Variants in MYBPC1 observed in about 807,000 individuals in gnomAD.
MYBPC1 encodes the protein myosin binding protein C1, also known as myosin-binding protein C, slow-type.
In MYBPC1, 52 loss-of-function variants were observed where a neutral mutation model predicts 147.1. The observed-to-expected ratio is 0.35, with a 90% CI of 0.28 to 0.45. The LOEUF (loss-of-function observed/expected upper bound fraction) is 0.45. MYBPC1 is among the 20% of genes least tolerant of loss of function. The pLI is 1.00. For synonymous variants in MYBPC1, 477 were observed against 475.9 expected, an observed-to-expected ratio of 1.00 and a Z score of -0.03; for missense variants, 1,228 against 1,440.3, an observed-to-expected ratio of 0.85 and a Z score of 2.39.
chr12:101,631,834 G>C, intron 7 of MYBPC1, 115 bp downstream of exon 7: 1 of 1,500,498 alleles, frequency 6.7e-7, no homozygotes, highest in East Asian at 2.3e-5. Flanking sequence ...ATCCTCTGAA[G>C]TTACCATTGC....
At chr12:101,600,013 C>G (rs1371144691) in intron 1 of MYBPC1, among the ~76,000 whole-genome samples, 1 of 152,136 alleles carries the variant, frequency 6.6e-6, no homozygotes, top group Non-Finnish European at 1.5e-5. Flanking sequence ...AAAGGACTGG[C>G]CAATTCTTTC....
intron 1 of MYBPC1, among the ~76,000 whole-genome samples, chr12:101,604,433 T>A (rs938158380): frequency 6.6e-6 from 1 of 152,194 alleles, no homozygotes; most frequent in African/African-American, 2.4e-5. Flanking sequence ...TTTGGCAACA[T>A]TCGACCATAG....
At chr12:101,629,363 C>A in intron 5 of MYBPC1, 71 bp from the exon 6 acceptor site, 1 of 1,048,872 alleles carries the variant, frequency 9.5e-7, no homozygotes, top group Non-Finnish European at 1.5e-6. Flanking sequence ...GTGAGAACAA[C>A]AAATCCAGGT....
chr12:101,635,195 C>T (rs182888023), intron 9 of MYBPC1, among the ~76,000 whole-genome samples: 15 of 152,108 alleles, frequency 9.9e-5, no homozygotes, highest in South Asian at 2.1e-4. Context: ...GGAGGGGGGG[C>T]GGTCAAGGAA....
chr12:101,640,186 A>G (rs899801353), intron 10 of MYBPC1, among the ~76,000 whole-genome samples: 1 of 151,840 alleles, frequency 6.6e-6, no homozygotes, highest in African/African-American at 2.4e-5. Flanking sequence ...TAATTTTTGT[A>G]TTTTTTGTAG....
At chr12:101,595,173 C>T in intron 1 of MYBPC1, 78 bp downstream of exon 1, 4 of 1,249,116 alleles carry the variant, frequency 3.2e-6, no homozygotes, top group Non-Finnish European at 4.7e-6. Flanking sequence ...AAACAAATAA[C>T]AAATATCTTA....
chr12:101,679,775 T>C (rs1429336914), intron 28 of MYBPC1, among the ~76,000 whole-genome samples: 2 of 150,642 alleles, frequency 1.3e-5, no homozygotes, highest in African/African-American at 4.9e-5. Flanking sequence ...GTGAAGAAAA[T>C]CAAATGATCG....
intron 23 of MYBPC1, among the ~76,000 whole-genome samples, 184 bp downstream of exon 23, chr12:101,668,083 T>C (rs1405661868): frequency 6.6e-6 from 1 of 152,114 alleles, no homozygotes; most frequent in East Asian, 1.9e-4. Context: ...ATGTGGGAGA[T>C]CACCTTCAGG....
intron 8 of MYBPC1, among the ~76,000 whole-genome samples, chr12:101,632,470 G>T (rs746444010): frequency 6.6e-6 from 1 of 152,154 alleles, no homozygotes; most frequent in Non-Finnish European, 1.5e-5. Flanking sequence ...TGGGGATAGG[G>T]TAATATGCTA....
At chr12:101,597,823 T>C (rs1471714789) in intron 1 of MYBPC1, among the ~76,000 whole-genome samples, 1 of 152,168 alleles carries the variant, frequency 6.6e-6, no homozygotes, top group Non-Finnish European at 1.5e-5. Flanking sequence ...TTTGGATTCT[T>C]ACAGAACCTA....
At chr12:101,646,641 A>T (rs756406711) in intron 12 of MYBPC1, 122 bp from the exon 13 acceptor site, 18 of 1,217,312 alleles carry the variant, frequency 1.5e-5, no homozygotes, top group Middle Eastern at 2.7e-4. Context: ...CCTGTCTCAA[A>T]AAAAAACAAC....
intron 5 of MYBPC1, chr12:101,628,089 T>C (rs774648855): frequency 5.2e-6 from 2 of 381,742 alleles, no homozygotes; most frequent in South Asian, 5.1e-5. Flanking sequence ...TTTGGGGATG[T>C]ACTAAAGTTA....
At chr12:101,662,660 G>T (rs1261286592) in intron 21 of MYBPC1, 114 bp downstream of exon 21, 3 of 1,197,500 alleles carry the variant, frequency 2.5e-6, no homozygotes, top group Non-Finnish European at 3.6e-6. Context: ...TTGTAGGTGG[G>T]CAGGAGCTTG....
At chr12:101,642,967 C>A (rs926594019) in intron 11 of MYBPC1, among the ~76,000 whole-genome samples, 5 of 151,986 alleles carry the variant, frequency 3.3e-5, no homozygotes, top group Non-Finnish European at 7.4e-5. Context: ...TTTCTCACAC[C>A]CAATATGGTT....
At chr12:101,664,665 TGGAG>T (rs1382670464) in intron 22 of MYBPC1, 1 of 152,174 alleles carries the variant, frequency 6.6e-6, no homozygotes, top group African/African-American at 2.4e-5. Context: ...ACCTCTGTTC[TGGAG>T]GGAGGAAGAG....
intron 10 of MYBPC1, among the ~76,000 whole-genome samples, chr12:101,640,352 A>G (rs1263476819): frequency 6.6e-6 from 1 of 152,134 alleles, no homozygotes; most frequent in African/African-American, 2.4e-5. Context: ...TAGACTTCCT[A>G]CTAAAATATT....
intron 30 of MYBPC1, 85 bp from the exon 31 acceptor site, chr12:101,684,297 T>G (rs1394276233): frequency 9.6e-7 from 1 of 1,037,216 alleles, no homozygotes; most frequent in Non-Finnish European, 1.5e-6. Flanking sequence ...GACCATAATT[T>G]CATCCAACAA....
At chr12:101,646,950 G>T in intron 13 of MYBPC1, 63 bp downstream of exon 13, 2 of 1,593,454 alleles carry the variant, frequency 1.3e-6, no homozygotes, top group Non-Finnish European at 1.7e-6. Context: ...CAGGGATAAT[G>T]ATCAAAGTGA....
chr12:101,669,276 T>A (rs1898075399), intron 23 of MYBPC1, among the ~76,000 whole-genome samples: 1 of 152,178 alleles, frequency 6.6e-6, no homozygotes, highest in Non-Finnish European at 1.5e-5. Flanking sequence ...ATAGGTGACT[T>A]TTTTGCACAG....
Sources: allele counts gnomAD v4.1 joint callset (sites outside exome capture counted in the v4.1 genomes callset), GRCh38; gene constraint gnomAD v4.1.1; transcripts MANE v1.5; gene names NCBI Gene and HGNC (gene_info 2026-07-23, HGNC 2026-07-21).